The following CPNE4 variants were observed in gnomAD, a reference collection of about 807,000 sequenced individuals.
CPNE4 encodes copine 4, also known as copine-4.
A neutral mutation model predicts 67.9 loss-of-function variants in CPNE4; 25 were observed. That is an observed-to-expected ratio of 0.37 (90% CI 0.27 to 0.51). The LOEUF (loss-of-function observed/expected upper bound fraction) is 0.51. CPNE4 is among the 20% of genes least tolerant of loss of function. The pLI is 0.93. For missense variants in CPNE4, 464 were observed against 690.8 expected (o/e 0.67, Z 3.68); for synonymous variants, 242 against 244.9 (o/e 0.99, Z 0.11).
At chr3:131,729,940 G>A (rs912018409) in intron 2 of CPNE4, among the ~76,000 whole-genome samples, 4 of 152,190 alleles carry the variant, frequency 2.6e-5, no homozygotes, top group Admixed American at 1.3e-4. Context: ...GGTGGTGACC[G>A]ACAGTGATGG....
chr3:131,925,117 GTCTC>G (rs149188417), intron 1 of CPNE4, among the ~76,000 whole-genome samples: 3 of 150,714 alleles, frequency 2.0e-5, no homozygotes, highest in South Asian at 4.2e-4. Flanking sequence ...ATTGCTAAAA[GTCTC>G]TCTCTCTCTC....
In CPNE4 at chr3:131,689,225, C is replaced by T. The variant is rs371337056; in HGVS notation, c.508-3267G>A. Among the ~76,000 whole-genome samples, 41 of 152,270 alleles carry T rather than the reference C, an allele frequency of 2.7e-4. No individual in the cohort carries two copies. In the East Asian group the frequency reaches 7.5e-3, roughly 28 times the overall value. ...CCATTCATAATGGAAGGAGTATCAA[C>T]CTTTGCCTCATAGTGACAAAGAAGA... On this transcript the variant is annotated intron_variant, in intron 5 of 15. Transcript: ENST00000429747.
intron 7 of CPNE4, among the ~76,000 whole-genome samples, chr3:131,588,489 CA>C (rs1193979292): frequency 2.0e-5 from 3 of 152,146 alleles, no homozygotes; most frequent in African/African-American, 4.8e-5. Context: ...ACCTTTTGCT[CA>C]GAGGTTTTCC....
Position 131,880,445 on chromosome 3 carries a change from G to A in CPNE4, c.180+24819C>T, listed in dbSNP as rs2107715857. ...GGTAGATATTTAACAACTATTTATT[G>A]AATGAATGTCAGTGACCAGGTGATG... On this transcript the variant is annotated intron_variant, in intron 2 of 15. Transcript: ENST00000429747. Among the ~76,000 whole-genome samples, 4 of 152,288 alleles carry A rather than the reference G, an allele frequency of 2.6e-5. No individual in the cohort carries two copies. The South Asian group carries it at 8.3e-4, about 32-fold the overall frequency.
chr3:131,806,505 G>T (rs2084316456), intron 2 of CPNE4, among the ~76,000 whole-genome samples: 1 of 146,202 alleles, frequency 6.8e-6, no homozygotes, highest in African/African-American at 2.6e-5. Flanking sequence ...AGCCGAGATT[G>T]TGCCACTGCA....
chr3:131,569,151 G>T (rs1937205466), intron 10 of CPNE4, among the ~76,000 whole-genome samples: 1 of 151,956 alleles, frequency 6.6e-6, no homozygotes, highest in African/African-American at 2.4e-5. Flanking sequence ...CAAAGCATTT[G>T]CCTCTTTAAC....
chr3:131,925,411 CA>C (rs1171005680), intron 1 of CPNE4: 1 of 152,176 alleles, frequency 6.6e-6, no homozygotes, highest in African/African-American at 2.4e-5. Flanking sequence ...TCAAATTCAT[CA>C]AGTAACTTTT....
In CPNE4 at chr3:131,575,741, G is replaced by C. The variant is rs145698243; in HGVS notation, c.868-611C>G. Among the ~76,000 whole-genome samples the C allele has an allele frequency of 7.2e-5, 11 of 152,212 alleles. No homozygotes were observed. The East Asian group carries it at 2.1e-3, about 29-fold the overall frequency. The stretch of plus-strand genomic sequence containing the variant: ...CTATTATTATTGTACCCTGTTTATA[G>C]ATGAGGAAATTAAGGTCAAGATCAC... On this transcript the variant is annotated intron_variant, in intron 9 of 15. Coordinates refer to ENST00000429747, the MANE Select transcript of CPNE4 (RefSeq NM_130808.3).
chr3:131,669,650 C>T (rs771662260), intron 7 of CPNE4, 25 bp downstream of exon 7: 3 of 1,546,796 alleles, frequency 1.9e-6, no homozygotes, highest in South Asian at 2.3e-5. Context: ...TAAAAAATCA[C>T]ATTTCTTGGA....
intron 7 of CPNE4, among the ~76,000 whole-genome samples, chr3:131,614,575 AGTC>A (rs1349781737): frequency 2.0e-5 from 3 of 152,182 alleles, no homozygotes; most frequent in Non-Finnish European, 4.4e-5. Flanking sequence ...TCCTGTAGGG[AGTC>A]GTTTTTGAAG....
intron 3 of CPNE4, among the ~76,000 whole-genome samples, chr3:131,708,981 T>TATAC (rs1448089640): frequency 1.0e-5 from 1 of 96,820 alleles, no homozygotes; most frequent in Non-Finnish European, 2.1e-5. Context: ...TATATATATA[T>TATAC]ATATATATAT....
chr3:131,756,668 G>A (rs2107805875), intron 2 of CPNE4, among the ~76,000 whole-genome samples: 1 of 152,334 alleles, frequency 6.6e-6, no homozygotes, highest in East Asian at 1.9e-4. Flanking sequence ...TGGGCCATTA[G>A]TGACAGTTCT....
chr3:131,977,740 T>G (rs1222685852), intron 1 of CPNE4, among the ~76,000 whole-genome samples: 2 of 151,918 alleles, frequency 1.3e-5, no homozygotes, highest in East Asian at 3.9e-4. Flanking sequence ...GCTACATGAG[T>G]AAGTTCTTTA....
At chr3:131,959,893 T>C (rs2107917265) in intron 1 of CPNE4, among the ~76,000 whole-genome samples, 1 of 152,360 alleles carries the variant, frequency 6.6e-6, no homozygotes, top group East Asian at 1.9e-4. Context: ...TGTTTCTTTT[T>C]AATGACTAGC....
chr3:131,712,224 T>C (rs1461029324), intron 3 of CPNE4, among the ~76,000 whole-genome samples: 1 of 152,250 alleles, frequency 6.6e-6, no homozygotes, highest in Non-Finnish European at 1.5e-5. Context: ...TTTATTATAA[T>C]ATTTTTCTAA....
chr3:131,623,330 A>G (rs1347737988), intron 7 of CPNE4, among the ~76,000 whole-genome samples: 2 of 152,132 alleles, frequency 1.3e-5, no homozygotes, highest in Non-Finnish European at 2.9e-5. Flanking sequence ...CAGGTTATGA[A>G]AACTTGTGAT....
chr3:131,843,240 G>A (rs1376816172), intron 2 of CPNE4, among the ~76,000 whole-genome samples: 1 of 152,228 alleles, frequency 6.6e-6, no homozygotes, highest in Non-Finnish European at 1.5e-5. Context: ...GTGGGGAGGG[G>A]AAGAGGAGGC....
chr3:131,767,164 CTCTCTT>C (rs1399722685), intron 2 of CPNE4, among the ~76,000 whole-genome samples: 3 of 152,138 alleles, frequency 2.0e-5, no homozygotes, highest in Admixed American at 2.0e-4. Context: ...CTTTCTCTCT[CTCTCTT>C]TGACTTTGAT....
chr3:131,825,505 A>AC (rs1166818474), intron 2 of CPNE4, among the ~76,000 whole-genome samples: 5 of 151,562 alleles, frequency 3.3e-5, no homozygotes, highest in Non-Finnish European at 7.4e-5. Flanking sequence ...AAAAAAAAAA[A>AC]AAAACATTGG....
Sources: allele counts gnomAD v4.1 joint callset (sites outside exome capture counted in the v4.1 genomes callset), GRCh38; gene constraint gnomAD v4.1.1; transcripts MANE v1.5; gene names NCBI Gene and HGNC (gene_info 2026-07-23, HGNC 2026-07-21).